Variants in HS6ST3 observed in about 807,000 individuals in gnomAD.
HS6ST3 encodes heparan sulfate 6-O-sulfotransferase 3.
Under a neutral mutation model 36.7 loss-of-function variants are expected in HS6ST3, and 12 were observed. The ratio of observed to expected loss-of-function variants is 0.33; its 90% CI spans 0.21 to 0.53. The LOEUF is 0.53. HS6ST3 is among the 20% of genes least tolerant of loss of function. The pLI, the probability that HS6ST3 is intolerant of heterozygous loss-of-function variation, is 0.95. For missense variants in HS6ST3, 584 were observed against 640.9 expected, an observed-to-expected ratio of 0.91 and a Z score of 0.96; for synonymous variants, 240 against 257.5, an observed-to-expected ratio of 0.93 and a Z score of 0.65.
At chr13:96,591,767 G>A (rs904780864) in intron 1 of HS6ST3, among the ~76,000 whole-genome samples, 1 of 151,960 alleles carries the variant, frequency 6.6e-6, no homozygotes, top group African/African-American at 2.4e-5. Flanking sequence ...CGTCCTTGTT[G>A]TGTTCCTGAT....
intron 1 of HS6ST3, among the ~76,000 whole-genome samples, chr13:96,273,829 G>A (rs963928589): frequency 6.6e-6 from 1 of 151,978 alleles, no homozygotes; most frequent in Non-Finnish European, 1.5e-5. Context: ...CTGAGCCTCA[G>A]GAACAATGAT....
At chr13:96,109,524 G>C (rs1384504356) in intron 1 of HS6ST3, among the ~76,000 whole-genome samples, 1 of 152,206 alleles carries the variant, frequency 6.6e-6, no homozygotes, top group Non-Finnish European at 1.5e-5. Context: ...AGATTGGCCT[G>C]TGTTTTGTCT....
chr13:96,312,042 TCA>T (rs1241944882), intron 1 of HS6ST3, among the ~76,000 whole-genome samples: 4 of 152,102 alleles, frequency 2.6e-5, no homozygotes, highest in African/African-American at 9.6e-5. Context: ...CCTCCTGAAA[TCA>T]CACAGATTCT....
chr13:96,680,398 C>T (rs1476890442), intron 1 of HS6ST3, among the ~76,000 whole-genome samples: 1 of 152,244 alleles, frequency 6.6e-6, no homozygotes, highest in Non-Finnish European at 1.5e-5. Context: ...CCCCAGACTG[C>T]TCTGAGGGAG....
intron 1 of HS6ST3, among the ~76,000 whole-genome samples, chr13:96,538,251 T>C (rs888857910): frequency 6.6e-6 from 1 of 152,224 alleles, no homozygotes; most frequent in African/African-American, 2.4e-5. Context: ...TAGTAGAATA[T>C]GTGAATAATT....
At chr13:96,616,501 C>T (rs765963024) in intron 1 of HS6ST3, among the ~76,000 whole-genome samples, 9 of 152,086 alleles carry the variant, frequency 5.9e-5, no homozygotes, top group East Asian at 1.9e-4. Flanking sequence ...AATGCTAATG[C>T]GCACAAACCC....
intron 1 of HS6ST3, among the ~76,000 whole-genome samples, chr13:96,708,825 A>G (rs1305886371): frequency 6.6e-6 from 1 of 152,198 alleles, no homozygotes; most frequent in East Asian, 1.9e-4. Context: ...GCGATATTAT[A>G]ACATAGATGC....
At chr13:96,476,134 G>T (rs892415371) in intron 1 of HS6ST3, among the ~76,000 whole-genome samples, 5 of 152,156 alleles carry the variant, frequency 3.3e-5, no homozygotes, top group African/African-American at 9.7e-5. Flanking sequence ...CTGGTGAAAG[G>T]TGTTAAATTT....
chr13:96,318,975 T>C (rs1270973303), intron 1 of HS6ST3, among the ~76,000 whole-genome samples: 2 of 152,218 alleles, frequency 1.3e-5, no homozygotes, highest in Admixed American at 1.3e-4. Flanking sequence ...CTTATTAAGA[T>C]ATAGTTCATC....
intron 1 of HS6ST3, among the ~76,000 whole-genome samples, chr13:96,714,313 A>G (rs575148445): frequency 1.4e-4 from 22 of 152,338 alleles, no homozygotes; most frequent in African/African-American, 5.3e-4. Context: ...TACAAAAAAA[A>G]ACACAATTGA....
At chr13:96,422,799 C>A (rs1245231541) in intron 1 of HS6ST3, among the ~76,000 whole-genome samples, 1 of 152,110 alleles carries the variant, frequency 6.6e-6, no homozygotes, top group East Asian at 1.9e-4. Flanking sequence ...AAGAAACTAG[C>A]CAAAGGCAAT....
At chr13:96,384,698 C>T (rs1481932526) in intron 1 of HS6ST3, among the ~76,000 whole-genome samples, 1 of 152,096 alleles carries the variant, frequency 6.6e-6, no homozygotes, top group Non-Finnish European at 1.5e-5. Context: ...CTTTCCATCC[C>T]AGAAGACTCC....
At position 96,441,782 on chromosome 13, in the gene HS6ST3, T is replaced by A. The variant is rs533573051; in HGVS notation, c.707+350213T>A. Among the ~76,000 whole-genome samples the A allele has an allele frequency of 2.6e-5, 4 of 152,250 alleles. No individual in the cohort carries two copies. The East Asian group carries it at 7.7e-4, about 29-fold the overall frequency. On this transcript the variant is annotated intron_variant, in intron 1 of 1. Coordinates refer to ENST00000376705, the MANE Select transcript of HS6ST3 (RefSeq NM_153456.4). Reference sequence around the variant, plus strand: ...TACATTAGAAGATTTGGAAGTTAAATTTTTAAGATAGCTGTGAGAATATAG... The same window carrying A: ...TACATTAGAAGATTTGGAAGTTAAAATTTTAAGATAGCTGTGAGAATATAG...
At chr13:96,290,650 T>G (rs1467800282) in intron 1 of HS6ST3, among the ~76,000 whole-genome samples, 1 of 152,116 alleles carries the variant, frequency 6.6e-6, no homozygotes, top group African/African-American at 2.4e-5. Flanking sequence ...TCTACTCTCT[T>G]CCCACTGTCA....
intron 1 of HS6ST3, among the ~76,000 whole-genome samples, chr13:96,654,156 G>A (rs1043997009): frequency 6.6e-6 from 1 of 152,108 alleles, no homozygotes; most frequent in African/African-American, 2.4e-5. Flanking sequence ...CATTGTGTAG[G>A]TTGCCTGTTC....
chr13:96,660,375 T>A (rs1361973650), intron 1 of HS6ST3, among the ~76,000 whole-genome samples: 2 of 152,148 alleles, frequency 1.3e-5, no homozygotes, highest in Non-Finnish European at 2.9e-5. Context: ...ATAGTAGAAG[T>A]TTGACAAATG....
At chr13:96,570,662 A>G (rs1423593301) in intron 1 of HS6ST3, among the ~76,000 whole-genome samples, 2 of 152,190 alleles carry the variant, frequency 1.3e-5, no homozygotes, top group Non-Finnish European at 2.9e-5. Context: ...TTTATACCCA[A>G]TGGGGGGCAA....
chr13:96,445,957 A>G (rs2055696111), intron 1 of HS6ST3, among the ~76,000 whole-genome samples: 1 of 151,932 alleles, frequency 6.6e-6, no homozygotes, highest in African/African-American at 2.4e-5. Flanking sequence ...CAGATCACGA[A>G]GTCAGGAGAT....
At chr13:96,451,558 C>T (rs1881977740) in intron 1 of HS6ST3, among the ~76,000 whole-genome samples, 1 of 152,160 alleles carries the variant, frequency 6.6e-6, no homozygotes, top group Admixed American at 6.5e-5. Flanking sequence ...GATTAGGTAA[C>T]ACAAATGCAT....
Sources: gnomAD v4.1 joint callset for allele counts (sites outside exome capture counted in the v4.1 genomes callset) on GRCh38, gnomAD v4.1.1 for gene constraint, MANE v1.5 for transcripts, NCBI Gene and HGNC (gene_info 2026-07-23, HGNC 2026-07-21) for gene names.